Variants in TULP4 observed in about 807,000 individuals in gnomAD.
The protein encoded by TULP4 is tubby-related protein 4.
Under a neutral mutation model 129.0 loss-of-function variants are expected in TULP4, and 16 were observed. That is an observed-to-expected ratio of 0.12 (90% CI 0.08 to 0.19). TULP4 has a LOEUF of 0.19. TULP4 is among the 10% of genes least tolerant of loss of function. The pLI is 1.00. For synonymous variants in TULP4, 998 were observed against 854.0 expected, an observed-to-expected ratio of 1.17 and a Z score of -2.94; for missense variants, 1,842 against 2,059.1, an observed-to-expected ratio of 0.89 and a Z score of 2.04.
upstream of TULP4, among the ~76,000 whole-genome samples, chr6:158,308,761 A>AC (rs1196273252): frequency 6.2e-3 from 794 of 127,430 alleles, 26 homozygotes; most frequent in African/African-American, 0.024. Context: ...CGGGGGGCTG[A>AC]CCCCCCCACC....
At chr6:158,269,010 A>G (rs262829) in intron 1 of TULP4, among the ~76,000 whole-genome samples, 10,061 of 152,192 alleles carry the variant, frequency 0.066, 405 homozygotes, top group East Asian at 0.093. Flanking sequence ...CCATGTCCAC[A>G]CCCAAGCTTA....
chr6:158,401,438 A>G (rs1291334901), intron 1 of TULP4, among the ~76,000 whole-genome samples: 1 of 152,172 alleles, frequency 6.6e-6, no homozygotes. Context: ...CATAGTGCAT[A>G]TGTGTGCACG....
At chr6:158,380,570 G>A (rs1177566184) in intron 1 of TULP4, among the ~76,000 whole-genome samples, 1 of 152,070 alleles carries the variant, frequency 6.6e-6, no homozygotes, top group Non-Finnish European at 1.5e-5. Flanking sequence ...TATTTAATAA[G>A]AGCCCAGATG....
chr6:158,244,271 A>T (rs147655811), intron 1 of TULP4, among the ~76,000 whole-genome samples: 1 of 152,332 alleles, frequency 6.6e-6, no homozygotes, highest in African/African-American at 2.4e-5. Flanking sequence ...TGTTTCAGAC[A>T]TGAAATCAGA....
At chr6:158,362,246 A>G (rs1583795708) in intron 1 of TULP4, among the ~76,000 whole-genome samples, 1 of 152,212 alleles carries the variant, frequency 6.6e-6, no homozygotes, top group African/African-American at 2.4e-5. Flanking sequence ...TATGGAAAAC[A>G]CCAAACTTCT....
chr6:158,361,853 C>T (rs898103582), intron 1 of TULP4, among the ~76,000 whole-genome samples: 5 of 152,172 alleles, frequency 3.3e-5, no homozygotes, highest in East Asian at 1.9e-4. Context: ...ATTATACCAA[C>T]TTCCTCTGGG....
rs538065772 is a variant in TULP4 at position 158,449,192 on chromosome 6, A to G, written c.724+16A>G. ...CCTCCCCAAGGTACTCATTGGCCCT[A>G]CTTTCCTTGTCACTGACCAGAAGGA... is the stretch of plus-strand genomic sequence containing the variant. On this transcript the variant is annotated intron_variant, in intron 4 of 13. Transcript: ENST00000367097. The G allele has an allele frequency of 1.2e-6, 2 of 1,602,616 alleles. No homozygotes were observed. The highest frequency in any genetic ancestry group is 1.7e-5 in the Admixed American group (1 of 59,574).
intron 1 of TULP4, chr6:158,241,762 T>G (rs1777920562): frequency 7.0e-6 from 3 of 430,868 alleles, no homozygotes; most frequent in Non-Finnish European, 9.0e-6. Flanking sequence ...GCCCAGCTAA[T>G]TTTTGTATTT....
chr6:158,278,610 C>T (rs920278329), upstream of TULP4, among the ~76,000 whole-genome samples: 7 of 152,052 alleles, frequency 4.6e-5, no homozygotes, highest in Non-Finnish European at 7.4e-5. Context: ...ATTTTGACAT[C>T]GTAAGTTGAG....
chr6:158,487,738 C>A (rs1368074652), intron 8 of TULP4, among the ~76,000 whole-genome samples: 3 of 152,250 alleles, frequency 2.0e-5, no homozygotes, highest in Non-Finnish European at 4.4e-5. Flanking sequence ...GTCAGAGTGG[C>A]AGGCAGTGCC....
At chr6:158,329,236 C>T (rs1219249221) in intron 1 of TULP4, among the ~76,000 whole-genome samples, 1 of 151,928 alleles carries the variant, frequency 6.6e-6, no homozygotes, top group East Asian at 1.9e-4. Context: ...TCCACTTGGC[C>T]TAGTTAGATT....
chr6:158,414,117 G>A (rs1749185234), intron 2 of TULP4, among the ~76,000 whole-genome samples: 1 of 152,230 alleles, frequency 6.6e-6, no homozygotes, highest in South Asian at 2.1e-4. Flanking sequence ...GCTATTAGCA[G>A]GCCGAGGATT....
chr6:158,256,889 G>A (rs1350497469), intron 1 of TULP4, among the ~76,000 whole-genome samples: 2 of 152,152 alleles, frequency 1.3e-5, no homozygotes. Context: ...CTGTGTAAAG[G>A]TGGGAGGGAT....
chr6:158,504,206 G>A lies in TULP4; in HGVS notation c.4515+28G>A, dbSNP rs185800575. 1,053 of 1,499,050 alleles carry A rather than the reference G, an allele frequency of 7.0e-4. 22 individuals carry two copies. In the Admixed American group the frequency reaches 0.02, roughly 28 times the overall value. The allele number at this position is 1,499,050 out of a possible 1,614,324, so 92.9% of individuals were successfully genotyped here. On this transcript the variant is annotated intron_variant, in intron 13 of 13. Transcript: ENST00000367097. ...AAGACCTCAGACCAGGTGGCGCTGCGAGCCCAGGAGGCGAGGGTTTCAGTG... is the reference window on the plus strand; with the variant it reads ...AAGACCTCAGACCAGGTGGCGCTGCAAGCCCAGGAGGCGAGGGTTTCAGTG...
At chr6:158,311,514 T>TA (rs1321679949), upstream of TULP4, among the ~76,000 whole-genome samples, 3 of 152,182 alleles carry the variant, frequency 2.0e-5, no homozygotes, top group African/African-American at 7.2e-5. Flanking sequence ...GTAGACCACA[T>TA]AAAAGCTTAG....
At chr6:158,337,246 C>T (rs752449183) in intron 1 of TULP4, among the ~76,000 whole-genome samples, 10 of 144,692 alleles carry the variant, frequency 6.9e-5, no homozygotes, top group Non-Finnish European at 1.3e-4. Flanking sequence ...GTGATTCTTC[C>T]ACTTCAGCTT....
intron 1 of TULP4, among the ~76,000 whole-genome samples, chr6:158,365,728 C>T (rs909746339): frequency 2.6e-5 from 4 of 151,702 alleles, no homozygotes; most frequent in African/African-American, 9.7e-5. Context: ...GCCTTGGCCT[C>T]CCAAAATGCT....
Position 158,503,209 on chromosome 6 carries a change from A to C in TULP4, c.3546A>C (p.Gln1182His), listed in dbSNP as rs34017613. The C allele has an allele frequency of 4.6e-4, 750 of 1,613,866 alleles. 5 individuals carry two copies. In the African/African-American group the frequency reaches 9.4e-3, roughly 20 times the overall value. Reference protein sequence around the residue: ...KSPASPTATFQTGYGMGVPYP... With the variant: ...KSPASPTATFHTGYGMGVPYP... ...CTGCCAGCCCCACTGCCACTTTCCA[A>C]ACAGGCTATGGGATGGGAGTGCCAT... The change falls in exon 13 of 14, where the codon CAA becomes CAC. Residue 1182 changes from glutamine (Q) to histidine (H), a missense_variant. Gln to His is a conservative substitution (Grantham distance 24, BLOSUM62 0). Transcript: ENST00000367097. This position sits in a 1 kb window ranked among gnomAD's most constrained non-coding sequence, Gnocchi z 4.3.
chr6:158,380,154 A>G (rs1777288723), intron 1 of TULP4, among the ~76,000 whole-genome samples: 3 of 152,208 alleles, frequency 2.0e-5, no homozygotes, highest in Middle Eastern at 3.2e-3. Context: ...GGTTTCATTT[A>G]CTTTAGGGTC....
Sources: allele counts gnomAD v4.1 joint callset (sites outside exome capture counted in the v4.1 genomes callset), GRCh38; gene constraint gnomAD v4.1.1; non-coding constraint Gnocchi (gnomAD v3.1); transcripts MANE v1.5; gene names NCBI Gene and HGNC (gene_info 2026-07-23, HGNC 2026-07-21).